PCDH9: variants seen among roughly 807,000 people sequenced by gnomAD.
PCDH9 encodes the protein protocadherin 9.
PCDH9 carries 24 observed loss-of-function variants against 70.6 expected under a neutral mutation model. The ratio of observed to expected loss-of-function variants is 0.34; its 90% CI spans 0.25 to 0.48. The LOEUF (loss-of-function observed/expected upper bound fraction) is 0.48. Among genes scored for constraint, PCDH9 ranks in the 20% least tolerant of loss-of-function variants. The pLI is 0.99. For missense variants in PCDH9, 1,281 were observed against 1,503.6 expected, an observed-to-expected ratio of 0.85 and a Z score of 2.45; for synonymous variants, 562 against 558.5, an observed-to-expected ratio of 1.01 and a Z score of -0.09.
At chr13:66,539,939 A>T (rs1226157491) in intron 4 of PCDH9, among the ~76,000 whole-genome samples, 1 of 144,480 alleles carries the variant, frequency 6.9e-6, no homozygotes, top group Non-Finnish European at 1.5e-5. Context: ...AGTGGAATCA[A>T]GCTCACTGCA....
At chr13:66,433,783 A>G (rs1957817630) in intron 4 of PCDH9, among the ~76,000 whole-genome samples, 1 of 151,866 alleles carries the variant, frequency 6.6e-6, no homozygotes, top group Non-Finnish European at 1.5e-5. Context: ...TGTTGTTTGC[A>G]TATACTCTCA....
intron 2 of PCDH9, among the ~76,000 whole-genome samples, chr13:66,969,205 T>G (rs1238944061): frequency 6.6e-6 from 1 of 152,034 alleles, no homozygotes; most frequent in African/African-American, 2.4e-5. Context: ...TTTTTTAACA[T>G]TTGCAACGCA....
intron 4 of PCDH9, among the ~76,000 whole-genome samples, chr13:66,539,005 T>A (rs977719304): frequency 4.6e-5 from 7 of 152,100 alleles, no homozygotes; most frequent in Non-Finnish European, 7.4e-5. Context: ...TTAATCTATG[T>A]TTTTAACACA....
At chr13:66,552,324 T>C (rs1961523929) in intron 4 of PCDH9, among the ~76,000 whole-genome samples, 1 of 152,164 alleles carries the variant, frequency 6.6e-6, no homozygotes, top group African/African-American at 2.4e-5. Flanking sequence ...ACAGTCAGCG[T>C]TCCTTTGGGC....
intron 4 of PCDH9, among the ~76,000 whole-genome samples, chr13:66,392,566 A>G (rs1487320301): frequency 2.0e-5 from 3 of 152,172 alleles, no homozygotes; most frequent in Non-Finnish European, 4.4e-5. Context: ...TAAATTTAAA[A>G]CAGTGTTGTT....
chr13:66,476,531 A>G (rs1958732976), intron 4 of PCDH9, among the ~76,000 whole-genome samples: 1 of 152,092 alleles, frequency 6.6e-6, no homozygotes, highest in African/African-American at 2.4e-5. Flanking sequence ...CATTAATATA[A>G]ATTTAAGTAA....
At chr13:66,913,507 T>C (rs919138573) in intron 2 of PCDH9, among the ~76,000 whole-genome samples, 6 of 151,916 alleles carry the variant, frequency 3.9e-5, no homozygotes, top group African/African-American at 1.4e-4. Flanking sequence ...ACCGGCTATG[T>C]AGGGGGTGTT....
At chr13:66,648,776 T>C (rs1324293848) in intron 3 of PCDH9, among the ~76,000 whole-genome samples, 2 of 151,970 alleles carry the variant, frequency 1.3e-5, no homozygotes, top group Non-Finnish European at 2.9e-5. Context: ...TATTTGACCT[T>C]CCAGACAGAG....
intron 4 of PCDH9, among the ~76,000 whole-genome samples, chr13:66,522,040 T>C (rs1354236314): frequency 2.0e-5 from 3 of 147,328 alleles, no homozygotes; most frequent in Non-Finnish European, 3.0e-5. Flanking sequence ...TATATACATA[T>C]ATATATATAT....
At chr13:66,597,226 A>T (rs1309934876) in intron 4 of PCDH9, among the ~76,000 whole-genome samples, 1 of 151,574 alleles carries the variant, frequency 6.6e-6, no homozygotes, top group Non-Finnish European at 1.5e-5. Context: ...TCCATTTCAA[A>T]CTCTCAATGA....
intron 4 of PCDH9, among the ~76,000 whole-genome samples, chr13:66,493,630 A>C (rs947939192): frequency 1.3e-5 from 2 of 152,152 alleles, no homozygotes; most frequent in Non-Finnish European, 2.9e-5. Context: ...TGCCATAACC[A>C]AGGAAGTTAC....
At chr13:67,159,350 C>A (rs914334847) in intron 2 of PCDH9, among the ~76,000 whole-genome samples, 2 of 152,094 alleles carry the variant, frequency 1.3e-5, no homozygotes, top group Non-Finnish European at 2.9e-5. Flanking sequence ...AGAATTGATT[C>A]TAAGGGAAAA....
chr13:66,604,304 A>T (rs1003734038), intron 4 of PCDH9, among the ~76,000 whole-genome samples: 2 of 152,122 alleles, frequency 1.3e-5, no homozygotes, highest in Non-Finnish European at 2.9e-5. Context: ...TGATTGTTTT[A>T]TACTGTAAGC....
chr13:66,524,645 AAAG>A (rs1411217433), intron 4 of PCDH9, among the ~76,000 whole-genome samples: 5 of 152,168 alleles, frequency 3.3e-5, no homozygotes, highest in Non-Finnish European at 5.9e-5. Flanking sequence ...GAATCCAAAG[AAAG>A]AAGAACAGAA....
chr13:66,919,122 A>G (rs1183072682), intron 2 of PCDH9, among the ~76,000 whole-genome samples: 1 of 150,998 alleles, frequency 6.6e-6, no homozygotes, highest in Admixed American at 6.6e-5. Flanking sequence ...TGGTTATTTT[A>G]TCTTCTCACT....
intron 2 of PCDH9, among the ~76,000 whole-genome samples, chr13:67,165,698 C>A (rs1348729627): frequency 1.3e-5 from 2 of 151,978 alleles, no homozygotes; most frequent in African/African-American, 2.4e-5. Flanking sequence ...TTTTTGGAAC[C>A]TAAGTCAATT....
intron 2 of PCDH9, chr13:67,212,045 AAT>A (rs1268629281): frequency 6.6e-6 from 1 of 152,126 alleles, no homozygotes; most frequent in African/African-American, 2.4e-5. Flanking sequence ...AGTAATTTTT[AAT>A]ATAGCAAATA....
At chr13:66,726,361 T>C (rs1370499956) in intron 3 of PCDH9, among the ~76,000 whole-genome samples, 1 of 151,994 alleles carries the variant, frequency 6.6e-6, no homozygotes, top group African/African-American at 2.4e-5. Context: ...AGTTGCACAA[T>C]GTAAAGAAAA....
chr13:67,212,195 C>T (rs892428764), intron 2 of PCDH9: 1 of 151,858 alleles, frequency 6.6e-6, no homozygotes, highest in African/African-American at 2.4e-5. Context: ...AAATTTAAAC[C>T]TGGCATTCTT....
Sources: gnomAD v4.1 joint callset for allele counts (sites outside exome capture counted in the v4.1 genomes callset) on GRCh38, gnomAD v4.1.1 for gene constraint, MANE v1.5 for transcripts, NCBI Gene and HGNC (gene_info 2026-07-23, HGNC 2026-07-21) for gene names.